The following MDGA2 variants were observed in gnomAD, a reference collection of about 807,000 sequenced individuals.
MDGA2 encodes MAM domain containing glycosylphosphatidylinositol anchor 2.
Under a neutral mutation model 117.8 loss-of-function variants are expected in MDGA2, and 40 were observed. The ratio of observed to expected loss-of-function variants is 0.34; its 90% CI spans 0.26 to 0.44. The LOEUF (loss-of-function observed/expected upper bound fraction) is 0.44. Ranked by LOEUF, MDGA2 falls within the 20% of genes least tolerant of loss-of-function variation. MDGA2 has a pLI of 1.00. For missense variants in MDGA2, 1,123 were observed against 1,250.6 expected, an observed-to-expected ratio of 0.90 and a Z score of 1.54; for synonymous variants, 452 against 439.0, an observed-to-expected ratio of 1.03 and a Z score of -0.37.
At chr14:47,663,955 G>A (rs777558764) in intron 1 of MDGA2, among the ~76,000 whole-genome samples, 6 of 151,996 alleles carry the variant, frequency 3.9e-5, no homozygotes, top group Non-Finnish European at 5.9e-5. Flanking sequence ...ATCAATACAC[G>A]TATTTGAACA....
chr14:47,508,378 T>TCTCC (rs2138686812), intron 1 of MDGA2, among the ~76,000 whole-genome samples: 1 of 151,128 alleles, frequency 6.6e-6, no homozygotes, highest in African/African-American at 2.4e-5. Flanking sequence ...TCTCTCTCTC[T>TCTCC]CTCTGTATAT....
At chr14:46,952,615 C>G (rs567655136) in intron 9 of MDGA2, among the ~76,000 whole-genome samples, 1 of 151,894 alleles carries the variant, frequency 6.6e-6, no homozygotes, top group Admixed American at 6.6e-5. Flanking sequence ...ACAGCCTGCA[C>G]CTTTCTATTT....
chr14:47,423,565 T>TGG (rs1312012136), intron 1 of MDGA2, among the ~76,000 whole-genome samples: 11 of 151,924 alleles, frequency 7.2e-5, no homozygotes. Flanking sequence ...CCTGTGTGTG[T>TGG]GTGTGTGTAC....
chr14:47,332,741 T>G (rs919322304), intron 1 of MDGA2, among the ~76,000 whole-genome samples: 5 of 151,910 alleles, frequency 3.3e-5, no homozygotes, highest in South Asian at 2.1e-4. Context: ...TCTGGGCTTT[T>G]AACGTAACCA....
At chr14:47,117,634 G>A (rs543598481) in intron 5 of MDGA2, among the ~76,000 whole-genome samples, 10 of 152,216 alleles carry the variant, frequency 6.6e-5, no homozygotes, top group African/African-American at 2.4e-4. Context: ...ATTATGCTAA[G>A]TGAAATGAGC....
chr14:47,004,282 A>C (rs769152563), intron 8 of MDGA2, among the ~76,000 whole-genome samples: 3 of 151,842 alleles, frequency 2.0e-5, no homozygotes, highest in Non-Finnish European at 3.0e-5. Flanking sequence ...ACCAAAGTTC[A>C]CTTTTTGGTG....
At chr14:47,153,356 G>T (rs986619740) in intron 3 of MDGA2, among the ~76,000 whole-genome samples, 2 of 152,156 alleles carry the variant, frequency 1.3e-5, no homozygotes, top group Non-Finnish European at 1.5e-5. Flanking sequence ...CTGGGCAAAA[G>T]GTGGGAGTTA....
At chr14:47,559,107 G>A (rs966719476) in intron 1 of MDGA2, among the ~76,000 whole-genome samples, 2 of 152,058 alleles carry the variant, frequency 1.3e-5, no homozygotes, top group African/African-American at 4.8e-5. Flanking sequence ...AAACTTTTAG[G>A]TTCAAGGGTA....
chr14:46,845,875 C>T lies in MDGA2; in HGVS notation c.2884-4G>A. 2 of 1,603,174 alleles carry T rather than the reference C, an allele frequency of 1.2e-6. No homozygotes were observed. The highest frequency in any genetic ancestry group is 2.2e-5 in the East Asian group (1 of 44,614). On this transcript the variant is annotated splice_polypyrimidine_tract_variant and splice_region_variant and intron_variant, in intron 15 of 16. Coordinates refer to ENST00000399232, the MANE Select transcript of MDGA2 (RefSeq NM_001113498.3). ...CTCGGATACCTTCAAAAATGAGCTACAAATATGAATGAAACAAACCTAAAT... is the reference window on the plus strand; with the variant it reads ...CTCGGATACCTTCAAAAATGAGCTATAAATATGAATGAAACAAACCTAAAT...
chr14:47,109,025 G>A (rs1004464228), intron 5 of MDGA2, among the ~76,000 whole-genome samples: 9 of 152,146 alleles, frequency 5.9e-5, no homozygotes, highest in African/African-American at 2.2e-4. Flanking sequence ...AACAGGTGAG[G>A]TCCTGGCAAA....
intron 2 of MDGA2, among the ~76,000 whole-genome samples, chr14:47,290,015 A>T (rs537656814): frequency 8.5e-5 from 13 of 152,324 alleles, no homozygotes; most frequent in Middle Eastern, 6.8e-3. Flanking sequence ...AATCTCTATC[A>T]CACAAAATTC....
intron 4 of MDGA2, among the ~76,000 whole-genome samples, chr14:47,141,002 C>T (rs916648282): frequency 2.6e-5 from 4 of 151,962 alleles, no homozygotes; most frequent in Non-Finnish European, 4.4e-5. Context: ...ATAGACATTA[C>T]TCAAAAGAAT....
At chr14:47,612,425 G>A (rs1252927354) in intron 1 of MDGA2, among the ~76,000 whole-genome samples, 1 of 151,998 alleles carries the variant, frequency 6.6e-6, no homozygotes, top group Non-Finnish European at 1.5e-5. Context: ...ACTTCAAAAT[G>A]TTTTTTTCAA....
In MDGA2 at chr14:47,026,061, T is replaced by A. The variant is rs375765899; in HGVS notation, c.1819+8950A>T. Among the ~76,000 whole-genome samples, 25 of 152,282 alleles carry A rather than the reference T, an allele frequency of 1.6e-4. No homozygotes were observed. The Middle Eastern group carries it at 0.01, about 62-fold the overall frequency. On this transcript the variant is annotated intron_variant, in intron 8 of 16. Transcript: ENST00000399232. ...ACAAAGTAAAGTTATTAGTGTCACA[T>A]AATATAACCCAACGTAATATGATAT...
intron 2 of MDGA2, among the ~76,000 whole-genome samples, chr14:47,273,646 C>T (rs887222238): frequency 1.3e-5 from 2 of 152,074 alleles, no homozygotes; most frequent in Non-Finnish European, 2.9e-5. Context: ...AAGGTGAAAC[C>T]TTTGCCTTAT....
At chr14:47,044,181 A>T (rs1889175976) in intron 7 of MDGA2, among the ~76,000 whole-genome samples, 2 of 152,104 alleles carry the variant, frequency 1.3e-5, no homozygotes, top group African/African-American at 4.8e-5. Flanking sequence ...TCAGCTCTTG[A>T]TTATCCAAGG....
chr14:47,039,331 GTAT>G (rs1419538709), intron 7 of MDGA2, among the ~76,000 whole-genome samples: 2 of 152,126 alleles, frequency 1.3e-5, no homozygotes, highest in African/African-American at 4.8e-5. Flanking sequence ...AAACCATACA[GTAT>G]TATTTGTTTC....
At chr14:47,273,026 G>A (rs927045348) in intron 2 of MDGA2, among the ~76,000 whole-genome samples, 2 of 152,004 alleles carry the variant, frequency 1.3e-5, no homozygotes, top group African/African-American at 2.4e-5. Flanking sequence ...GGTATCCCAG[G>A]GGATGACGCT....
intron 1 of MDGA2, among the ~76,000 whole-genome samples, chr14:47,414,008 T>C (rs1274572926): frequency 6.6e-6 from 1 of 151,934 alleles, no homozygotes; most frequent in Non-Finnish European, 1.5e-5. Context: ...GATGTGAGAG[T>C]CTATTCAGAA....
Sources: allele counts gnomAD v4.1 joint callset (sites outside exome capture counted in the v4.1 genomes callset), GRCh38; gene constraint gnomAD v4.1.1; transcripts MANE v1.5; gene names NCBI Gene and HGNC (gene_info 2026-07-23, HGNC 2026-07-21).